Variants in DACH2 observed in about 807,000 individuals in gnomAD.
DACH2 encodes dachshund homolog 2.
In DACH2, 17 loss-of-function variants were observed where a neutral mutation model predicts 35.8. That is an observed-to-expected ratio of 0.48 (90% confidence interval 0.33 to 0.71). DACH2 has a LOEUF of 0.71. Among genes scored for constraint, DACH2 ranks in the 30% least tolerant of loss-of-function variants. The pLI is 0.02. For missense variants in DACH2, 469 were observed against 472.7 expected, an observed-to-expected ratio of 0.99 and a Z score of 0.07; for synonymous variants, 195 against 177.3, an observed-to-expected ratio of 1.10 and a Z score of -0.79.
chrX:86,489,801 A>C (rs963876726), intron 2 of DACH2, among the ~76,000 whole-genome samples: 1 of 111,702 alleles, frequency 9.0e-6, no homozygotes, highest in Non-Finnish European at 1.9e-5. Flanking sequence ...ATTGTGCATT[A>C]AAATTGGAAA....
intron 2 of DACH2, among the ~76,000 whole-genome samples, chrX:86,458,049 A>G (rs1441050651): frequency 8.9e-6 from 1 of 111,990 alleles, no homozygotes; most frequent in Non-Finnish European, 1.9e-5. Context: ...ATTTTAGTCA[A>G]TTCTAGATTG....
chrX:86,210,889 G>T (rs1004503097), intron 1 of DACH2, among the ~76,000 whole-genome samples: 40 of 111,863 alleles, frequency 3.6e-4, no homozygotes, highest in African/African-American at 1.2e-3. Context: ...TATTGGGCTG[G>T]TTAAAAGGGA....
intron 1 of DACH2, among the ~76,000 whole-genome samples, chrX:86,152,493 CT>C (rs1009575658): frequency 9.0e-6 from 1 of 111,496 alleles, no homozygotes; most frequent in African/African-American, 3.3e-5. Context: ...CTACCAGTGC[CT>C]TTTATTAACT....
intron 2 of DACH2, among the ~76,000 whole-genome samples, chrX:86,451,863 T>A (rs1305506396): frequency 9.0e-6 from 1 of 111,316 alleles, no homozygotes; most frequent in East Asian, 2.8e-4. Flanking sequence ...GTTTGATCTG[T>A]CCGGAACTTC....
intron 3 of DACH2, among the ~76,000 whole-genome samples, chrX:86,548,354 T>A (rs763034152): frequency 8.9e-6 from 1 of 111,942 alleles, no homozygotes; most frequent in Non-Finnish European, 1.9e-5. Context: ...TTAAATAAGA[T>A]GAGATTTAAT....
rs1378300889 is a variant in DACH2, at chrX:86,698,519, G to GTTTT, written c.931+3341_931+3342insTTTT. ...TTCTTCTTTTTGTTTTGTTAGTTTT[G>GTTTT]TGTTTTTTTTTTTTTTTTTTTTTTT... is the stretch of plus-strand genomic sequence containing the variant. On this transcript the variant is annotated intron_variant, in intron 5 of 11. Coordinates refer to ENST00000373125, the MANE Select transcript of DACH2 (RefSeq NM_053281.3). Among the ~76,000 whole-genome samples, 75 of 32,071 alleles carry GTTTT rather than the reference G, an allele frequency of 2.3e-3. 2 individuals are homozygous for GTTTT. The highest frequency in any genetic ancestry group is 2.8e-3 in the Admixed American group (7 of 2,468). 27.8% of individuals were successfully genotyped at this position (32,071 alleles called of 115,157 possible).
At chrX:86,241,437 A>G (rs1348468183) in intron 1 of DACH2, among the ~76,000 whole-genome samples, 3 of 111,969 alleles carry the variant, frequency 2.7e-5, no homozygotes, top group Non-Finnish European at 5.6e-5. Context: ...AGTGTTCAAG[A>G]TGTGGCCTGG....
intron 1 of DACH2, among the ~76,000 whole-genome samples, chrX:86,362,063 T>G (rs1412964918): frequency 9.0e-6 from 1 of 111,571 alleles, no homozygotes; most frequent in Non-Finnish European, 1.9e-5. Flanking sequence ...AAAAACATAC[T>G]GAGATTATAT....
chrX:86,812,962 T>C lies in DACH2; in HGVS notation c.1347T>C (p.Ala449=). ...GATTCCCTGGACCATTCATTTTTGC[T>C]GATAGTCTGTCCTCCGTGGAGACTC... The part of the protein sequence containing the change: ...PAGFPGPFIF[A]DSLSSVETLL... The change falls in exon 8 of 12, where the codon GCT becomes GCC. Residue 449 remains alanine (A), a synonymous_variant. Coordinates refer to ENST00000373125, the MANE Select transcript of DACH2 (RefSeq NM_053281.3). 1 of 1,208,074 alleles carries C rather than the reference T, an allele frequency of 8.3e-7. No homozygotes were observed. The highest frequency in any genetic ancestry group is 3.0e-5 in the East Asian group (1 of 33,710).
chrX:86,300,276 T>C (rs1302784461), intron 1 of DACH2, among the ~76,000 whole-genome samples: 3 of 112,246 alleles, frequency 2.7e-5, no homozygotes, highest in Non-Finnish European at 3.8e-5. Context: ...AAAATGTGTA[T>C]ATTTAATTTC....
chrX:86,205,392 TCCTC>T (rs1463410683), intron 1 of DACH2, among the ~76,000 whole-genome samples: 46 of 100,292 alleles, frequency 4.6e-4, no homozygotes, highest in Non-Finnish European at 8.2e-4. Context: ...TTTCCTTCCT[TCCTC>T]CCTCCCTCCC....
At chrX:86,406,449 A>T (rs950183171) in intron 2 of DACH2, among the ~76,000 whole-genome samples, 1 of 111,899 alleles carries the variant, frequency 8.9e-6, no homozygotes, top group African/African-American at 3.2e-5. Context: ...TACCTGGGTG[A>T]TGTTATCTGT....
At chrX:86,177,627 G>A (rs1326162821) in intron 1 of DACH2, among the ~76,000 whole-genome samples, 1 of 111,274 alleles carries the variant, frequency 9.0e-6, no homozygotes, top group African/African-American at 3.3e-5. Flanking sequence ...CATCTTAATA[G>A]AGTATTTGGA....
At chrX:86,286,605 A>G (rs966784888) in intron 1 of DACH2, among the ~76,000 whole-genome samples, 5 of 110,600 alleles carry the variant, frequency 4.5e-5, no homozygotes, top group Non-Finnish European at 5.7e-5. Context: ...CTTGCTTTAT[A>G]TATATATTTT....
intron 2 of DACH2, among the ~76,000 whole-genome samples, chrX:86,468,084 C>T (rs768986799): frequency 1.8e-5 from 2 of 111,626 alleles, no homozygotes; most frequent in East Asian, 5.7e-4. Context: ...AATTCCAATT[C>T]TTTCTGAAAA....
chrX:86,598,545 G>T (rs1003586695), intron 3 of DACH2, among the ~76,000 whole-genome samples: 1 of 111,243 alleles, frequency 9.0e-6, no homozygotes, highest in Non-Finnish European at 1.9e-5. Context: ...GTTTTATAGG[G>T]TAGTCTTTGC....
intron 4 of DACH2, among the ~76,000 whole-genome samples, chrX:86,664,447 ATTG>A (rs2040643404): frequency 9.0e-6 from 1 of 111,298 alleles, no homozygotes; most frequent in Non-Finnish European, 1.9e-5. Context: ...GTAAAGTTTG[ATTG>A]TTGTTCTACC....
intron 3 of DACH2, among the ~76,000 whole-genome samples, chrX:86,586,727 G>T (rs962563982): frequency 9.1e-6 from 1 of 110,472 alleles, no homozygotes; most frequent in Non-Finnish European, 1.9e-5. Context: ...TAATCAGATG[G>T]ATGTATTATG....
At chrX:86,493,436 A>T (rs1307912364) in intron 2 of DACH2, among the ~76,000 whole-genome samples, 2 of 111,494 alleles carry the variant, frequency 1.8e-5, no homozygotes, top group Non-Finnish European at 3.8e-5. Flanking sequence ...GAATTCAGTA[A>T]ACTATACCAA....
Sources: allele counts gnomAD v4.1 joint callset (sites outside exome capture counted in the v4.1 genomes callset), GRCh38; gene constraint gnomAD v4.1.1; transcripts MANE v1.5; gene names NCBI Gene and HGNC (gene_info 2026-07-23, HGNC 2026-07-21).